The following GRHL2 variants were observed in gnomAD, a reference collection of about 807,000 sequenced individuals.
GRHL2 encodes the protein grainyhead-like protein 2 homolog.
In GRHL2, 21 loss-of-function variants were observed where a neutral mutation model predicts 83.8. The ratio of observed to expected loss-of-function variants is 0.25; its 90% CI spans 0.18 to 0.36. GRHL2 has a LOEUF of 0.36. Among genes scored for constraint, GRHL2 ranks in the 10% least tolerant of loss-of-function variants. The probability of loss-of-function intolerance (pLI) is 1.00; values close to 1 mark genes in which losing one functional copy is unlikely to be tolerated. For missense variants in GRHL2, 623 were observed against 781.8 expected (o/e 0.80, Z 2.42); for synonymous variants, 280 against 278.9 (o/e 1.00, Z -0.04).
At chr8:101,530,960 G>T (rs187329557) in intron 1 of GRHL2, among the ~76,000 whole-genome samples, 2 of 152,144 alleles carry the variant, frequency 1.3e-5, no homozygotes, top group African/African-American at 4.8e-5. Flanking sequence ...GTTGTGCGTG[G>T]TGGCTCACAC....
intron 1 of GRHL2, among the ~76,000 whole-genome samples, chr8:101,512,628 C>T (rs1001895584): frequency 4.6e-5 from 7 of 152,168 alleles, no homozygotes; most frequent in Non-Finnish European, 7.4e-5. Flanking sequence ...GTGTGCACCA[C>T]GATGCCTGAC....
intron 9 of GRHL2, among the ~76,000 whole-genome samples, chr8:101,626,079 A>T (rs1813073649): frequency 6.6e-6 from 1 of 152,096 alleles, no homozygotes; most frequent in Non-Finnish European, 1.5e-5. Flanking sequence ...AAGAGATATT[A>T]AAGTTTAATT....
intron 7 of GRHL2, among the ~76,000 whole-genome samples, chr8:101,584,659 T>G (rs1812126101): frequency 6.6e-6 from 1 of 152,256 alleles, no homozygotes; most frequent in African/African-American, 2.4e-5. Context: ...CCTACAAGCA[T>G]GCTTTCTCAG....
chr8:101,570,780 A>G (rs570246478), intron 5 of GRHL2, among the ~76,000 whole-genome samples: 1 of 152,216 alleles, frequency 6.6e-6, no homozygotes, highest in African/African-American at 2.4e-5. Flanking sequence ...TGATGTACCC[A>G]TTCTCCAAGC....
In GRHL2 at chr8:101,613,285, A is replaced by C. The variant is rs548637519; in HGVS notation, c.1099-6254A>C. On this transcript the variant is annotated intron_variant, in intron 8 of 15. Coordinates refer to ENST00000646743, the MANE Select transcript of GRHL2 (RefSeq NM_024915.4). ...TACATAACCGCAGAATTGAGAGGAA[A>C]ACATAAATATTTTATCAGGAAGAAA... 2.6e-5 allele frequency among the ~76,000 whole-genome samples: 4 copies of C among 150,966 alleles called. 1 individual carries two copies. The highest frequency in any genetic ancestry group is 9.9e-5 in the African/African-American group (4 of 40,400).
intron 4 of GRHL2, among the ~76,000 whole-genome samples, chr8:101,568,829 T>C (rs1210594500): frequency 6.6e-6 from 1 of 152,162 alleles, no homozygotes; most frequent in Non-Finnish European, 1.5e-5. Flanking sequence ...GCAATGTTCC[T>C]GGGATTCATG....
chr8:101,549,875 G>A lies in GRHL2; in HGVS notation c.217-2840G>A, dbSNP rs553498842. On this transcript the variant is annotated intron_variant, in intron 2 of 15. Transcript: ENST00000646743. ...CTCTAGGCTTCCAGAGAACCCTGTC[G>A]GTAGCACAGTTTTATCTCGTATCAT... Among the ~76,000 whole-genome samples the A allele has an allele frequency of 9.9e-5, 15 of 151,594 alleles. No homozygotes were observed. The East Asian group carries it at 1.9e-3, about 20-fold the overall frequency.
intron 3 of GRHL2, among the ~76,000 whole-genome samples, chr8:101,553,096 T>C (rs559047884): frequency 5.7e-4 from 87 of 152,338 alleles, no homozygotes; most frequent in African/African-American, 2.0e-3. Flanking sequence ...ATCAATCCTA[T>C]GGCATTATAA....
At chr8:101,629,652 T>G (rs1380149737) in intron 9 of GRHL2, among the ~76,000 whole-genome samples, 1 of 152,054 alleles carries the variant, frequency 6.6e-6, no homozygotes, top group Non-Finnish European at 1.5e-5. Context: ...TTAACAAATA[T>G]CTAAATTTTA....
intron 4 of GRHL2, among the ~76,000 whole-genome samples, chr8:101,564,812 C>CAAAAAAAA (rs3035637): frequency 9.1e-6 from 1 of 109,768 alleles, no homozygotes; most frequent in African/African-American, 3.6e-5. Context: ...GCCCTGTCTC[C>CAAAAAAAA]AAAAAAAAAA....
At position 101,570,361 on chromosome 8, in the gene GRHL2, G is replaced by A. The variant is rs1811797294; in HGVS notation, c.701G>A (p.Gly234Glu). ...CAGAAATTTCGGAGTGCTTCAGTTGGGGCTGAGGAGTACATGTATGATCAG... is the reference window on the plus strand; with the variant it reads ...CAGAAATTTCGGAGTGCTTCAGTTGAGGCTGAGGAGTACATGTATGATCAG... ...ATEKFRSASV[G>E]AEEYMYDQTS... Residue 234 changes from glycine (G) to glutamate (E), a missense_variant, in exon 5 of 16, where the codon GGG becomes GAG. Gly to Glu is a moderately conservative substitution (Grantham distance 98). Around this residue, in one of 8 missense-constraint regions of GRHL2, gnomAD observed 239 missense variants for 240.5 expected, o/e 0.99. Transcript: ENST00000646743. 1.2e-6 allele frequency: 2 copies of A among 1,613,800 alleles called. No homozygotes were observed. Among genetic ancestry groups the A allele is most frequent in the East Asian group, 2.2e-5 (1 of 44,866 alleles).
At chr8:101,604,541 G>A (rs1299274565) in intron 8 of GRHL2, among the ~76,000 whole-genome samples, 1 of 152,138 alleles carries the variant, frequency 6.6e-6, no homozygotes, top group Non-Finnish European at 1.5e-5. Context: ...AATTACTTGA[G>A]CATTAAAGAT....
Position 101,509,151 on chromosome 8 carries a change from TTCCTTCC to T in GRHL2, c.20+16364_20+16370del, listed in dbSNP as rs1379412556. On this transcript the variant is annotated intron_variant, in intron 1 of 15. Coordinates refer to ENST00000646743, the MANE Select transcript of GRHL2 (RefSeq NM_024915.4). ...CTTCCTTCCTTCCTTCCTTCCTTCC[TTCCTTCC>T]TTTCTTTCTTTCTTTTTCTTTCTTT... is the stretch of plus-strand genomic sequence containing the variant. Among the ~76,000 whole-genome samples, 2 of 82,996 alleles carry T rather than the reference TTCCTTCC, an allele frequency of 2.4e-5. 1 individual carries two copies. Among genetic ancestry groups the T allele is most frequent in the East Asian group, 4.7e-4 (2 of 4,218 alleles). The allele number at this position is 82,996 out of a possible 152,430, so 54.4% of individuals were successfully genotyped here.
At chr8:101,547,407 A>G (rs1811288594) in intron 2 of GRHL2, among the ~76,000 whole-genome samples, 1 of 152,080 alleles carries the variant, frequency 6.6e-6, no homozygotes, top group South Asian at 2.1e-4. Context: ...GGAGTATATC[A>G]CCCCTGTGGG....
intron 6 of GRHL2, among the ~76,000 whole-genome samples, chr8:101,576,962 A>G (rs556538988): frequency 9.5e-4 from 145 of 152,256 alleles, no homozygotes; most frequent in African/African-American, 3.3e-3. Context: ...TTGATATTCC[A>G]GCCTGAGCCA....
chr8:101,619,460 C>T (rs1812918951), intron 8 of GRHL2, 79 bp from the exon 9 acceptor site: 1 of 1,321,986 alleles, frequency 7.6e-7, no homozygotes, highest in South Asian at 1.2e-5. Flanking sequence ...AGTATTTTGA[C>T]TTAAAGTCTA....
intron 7 of GRHL2, among the ~76,000 whole-genome samples, chr8:101,592,399 G>A (rs920182425): frequency 2.6e-5 from 4 of 152,050 alleles, no homozygotes; most frequent in Admixed American, 6.5e-5. Flanking sequence ...CACCATGCCC[G>A]GCCAGATATA....
intron 1 of GRHL2, among the ~76,000 whole-genome samples, chr8:101,504,224 C>A (rs1362072454): frequency 6.6e-6 from 1 of 152,174 alleles, no homozygotes; most frequent in Non-Finnish European, 1.5e-5. Context: ...TGGCATGCTG[C>A]CTGTCGGTTC....
At chr8:101,532,000 A>T (rs1810938836) in intron 1 of GRHL2, among the ~76,000 whole-genome samples, 1 of 152,234 alleles carries the variant, frequency 6.6e-6, no homozygotes, top group Admixed American at 6.5e-5. Context: ...GAATTAATTG[A>T]ATCTTCTCTT....
Sources: gnomAD v4.1 joint callset for allele counts (sites outside exome capture counted in the v4.1 genomes callset) on GRCh38, gnomAD v4.1.1 for gene constraint, gnomAD v4.1.1 regional missense constraint, MANE v1.5 for transcripts, NCBI Gene and HGNC (gene_info 2026-07-23, HGNC 2026-07-21) for gene names.